The following AKAP13 variants were observed in gnomAD, a reference collection of about 807,000 sequenced individuals.
The protein encoded by AKAP13 is A-kinase anchoring protein 13, also known as A-kinase anchor protein 13.
In AKAP13, 80 loss-of-function variants were observed where a neutral mutation model predicts 264.5. The observed-to-expected ratio is 0.30, with a 90% CI of 0.25 to 0.36. The LOEUF is 0.36. Ranked by LOEUF, AKAP13 falls within the 10% of genes least tolerant of loss-of-function variation. The pLI is 1.00. For missense variants in AKAP13, 3,712 were observed against 3,435.2 expected, an observed-to-expected ratio of 1.08 and a Z score of -2.01; for synonymous variants, 1,380 against 1,250.2, an observed-to-expected ratio of 1.10 and a Z score of -2.19.
chr15:85,570,217 G>C (rs2078766976), intron 5 of AKAP13, among the ~76,000 whole-genome samples: 1 of 152,170 alleles, frequency 6.6e-6, no homozygotes, highest in Non-Finnish European at 1.5e-5. Flanking sequence ...TTGGGAGGTA[G>C]AGAAGGATGG....
At chr15:85,441,107 A>G (rs2073631350) in intron 1 of AKAP13, among the ~76,000 whole-genome samples, 1 of 152,170 alleles carries the variant, frequency 6.6e-6, no homozygotes. Flanking sequence ...GCTGGGTAAC[A>G]CTGTTTTCCA....
At chr15:85,637,649 A>G (rs938106937) in intron 8 of AKAP13, among the ~76,000 whole-genome samples, 31 of 151,486 alleles carry the variant, frequency 2.0e-4, no homozygotes, top group African/African-American at 7.3e-4. Flanking sequence ...TATTTTCTTT[A>G]TCCTGCTTGC....
In AKAP13 at chr15:85,740,233, G is replaced by A. The variant is rs114517568; in HGVS notation, c.7569G>A (p.Gln2523=). The A allele has an allele frequency of 5.0e-6, 8 of 1,614,152 alleles. No homozygotes were observed. In the East Asian group the frequency reaches 8.9e-5, roughly 18 times the overall value. ...MLKRNSEQVV[Q]SVVHLYELLS... is the part of the protein sequence containing the mutation. ...TGTTCCTTTGGCAGCAGGTTGTCCA[G>A]AGCGTTGTTCATCTCTACGAGCTCC... Residue 2523 remains glutamine, a synonymous_variant, in exon 34 of 37, where the codon CAG becomes CAA. Coordinates refer to ENST00000394518, the MANE Select transcript of AKAP13 (RefSeq NM_007200.5).
chr15:85,636,907 T>C (rs2082094782), intron 8 of AKAP13, among the ~76,000 whole-genome samples: 1 of 152,192 alleles, frequency 6.6e-6, no homozygotes, highest in Non-Finnish European at 1.5e-5. Flanking sequence ...GAGCCGCCGC[T>C]CCCGGCCCCA....
At chr15:85,410,969 C>T (rs886483596) in intron 1 of AKAP13, among the ~76,000 whole-genome samples, 2 of 148,578 alleles carry the variant, frequency 1.3e-5, no homozygotes, top group Admixed American at 6.6e-5. Context: ...GTTCTACACA[C>T]GTAGGTAATT....
intron 21 of AKAP13, among the ~76,000 whole-genome samples, chr15:85,717,740 A>C (rs142078633): frequency 2.6e-5 from 4 of 152,232 alleles, no homozygotes; most frequent in African/African-American, 9.7e-5. Flanking sequence ...GTCCCTTCCA[A>C]TTCTTAACTT....
chr15:85,424,076 G>C (rs1447382324), intron 1 of AKAP13, among the ~76,000 whole-genome samples: 2 of 152,136 alleles, frequency 1.3e-5, no homozygotes, highest in Non-Finnish European at 2.9e-5. Context: ...TAATTCTTAT[G>C]GGCTCTAGAA....
chr15:85,644,535 C>T (rs1430303047), intron 9 of AKAP13, among the ~76,000 whole-genome samples: 4 of 151,126 alleles, frequency 2.6e-5, no homozygotes, highest in Non-Finnish European at 5.9e-5. Flanking sequence ...GCCACCATGC[C>T]CGGCCATGAC....
At chr15:85,541,666 A>G (rs187692612) in intron 4 of AKAP13, among the ~76,000 whole-genome samples, 65 of 152,336 alleles carry the variant, frequency 4.3e-4, no homozygotes, top group African/African-American at 1.5e-3. Flanking sequence ...GCAAGCTATT[A>G]ATTCTATGAA....
At chr15:85,701,466 G>A (rs1252477189) in intron 17 of AKAP13, among the ~76,000 whole-genome samples, 6 of 152,002 alleles carry the variant, frequency 3.9e-5, no homozygotes, top group African/African-American at 9.7e-5. Context: ...TTGAGACGGC[G>A]TCTCACTCTG....
chr15:85,566,521 G>A (rs1488982422), intron 5 of AKAP13, among the ~76,000 whole-genome samples: 3 of 151,702 alleles, frequency 2.0e-5, no homozygotes, highest in Non-Finnish European at 1.5e-5. Flanking sequence ...CTTAATAGGT[G>A]TTCAGTAAAT....
At chr15:85,453,019 C>CCCAAGCCCAGTGCTGT (rs2074146435) in intron 1 of AKAP13, among the ~76,000 whole-genome samples, 1 of 152,138 alleles carries the variant, frequency 6.6e-6, no homozygotes, top group Non-Finnish European at 1.5e-5. Context: ...GTCAGTGCTG[C>CCCAAGCCCAGTGCTGT]GGGCCCAAGC....
chr15:85,708,206 C>A lies in AKAP13; in HGVS notation c.5532+120C>A. The A allele has an allele frequency of 1.2e-6, 1 of 860,558 alleles. No homozygotes were observed. Among genetic ancestry groups the A allele is most frequent in the Non-Finnish European group, 1.8e-6 (1 of 569,294 alleles). The allele number at this position is 860,558 out of a possible 1,614,324, so 53.3% of individuals were successfully genotyped here. On this transcript the variant is annotated intron_variant, in intron 18 of 36. Transcript: ENST00000394518. This position sits in a 1 kb window ranked among gnomAD's most constrained non-coding sequence, Gnocchi z 4.3. ...GTTTATTTTAATCATTTGGTACCAA[C>A]TTTGAGAACAAATTATAACTAAAAA...
intron 1 of AKAP13, among the ~76,000 whole-genome samples, chr15:85,401,751 T>C (rs1407326483): frequency 6.6e-6 from 1 of 152,262 alleles, no homozygotes; most frequent in African/African-American, 2.4e-5. Context: ...CTTAGGGATC[T>C]GGGATAAACA....
At chr15:85,392,251 A>ATTTTTTTTTT (rs57208601) in intron 1 of AKAP13, among the ~76,000 whole-genome samples, 2 of 106,350 alleles carry the variant, frequency 1.9e-5, no homozygotes, top group Non-Finnish European at 3.8e-5. Flanking sequence ...GCCCTTAATA[A>ATTTTTTTTTT]TTTTTTTTTT....
chr15:85,506,270 C>T lies in AKAP13; in HGVS notation c.34-15158C>T, dbSNP rs187481136. Among the ~76,000 whole-genome samples, 1,009 of 152,114 alleles carry T rather than the reference C, an allele frequency of 6.6e-3. 12 individuals are homozygous for T. The highest frequency in any genetic ancestry group is 0.023 in the African/African-American group (952 of 41,478). The stretch of plus-strand genomic sequence containing the variant: ...CTGCACTCCAGCCTGGGCAACAGAG[C>T]GGGACTCCATCTCAAAAACAACAAA... On this transcript the variant is annotated intron_variant, in intron 2 of 36. Coordinates refer to ENST00000394518, the MANE Select transcript of AKAP13 (RefSeq NM_007200.5).
chr15:85,386,592 C>T (rs1555423818), intron 1 of AKAP13, among the ~76,000 whole-genome samples: 2 of 152,062 alleles, frequency 1.3e-5, no homozygotes, highest in Non-Finnish European at 2.9e-5. Context: ...CCCGGCTCGC[C>T]TAGAAGTTTT....
At chr15:85,422,988 A>G (rs2072592794) in intron 1 of AKAP13, among the ~76,000 whole-genome samples, 1 of 152,246 alleles carries the variant, frequency 6.6e-6, no homozygotes, top group Admixed American at 6.5e-5. Flanking sequence ...TTTTGTTTAT[A>G]CTATGCTGTA....
intron 14 of AKAP13, among the ~76,000 whole-genome samples, chr15:85,673,666 CTTTTTTTTTTT>C (rs386383664): frequency 1.3e-5 from 1 of 77,540 alleles, no homozygotes; most frequent in Non-Finnish European, 2.2e-5. Context: ...TTCTTTCTTT[CTTTTTTTTTTT>C]TTTTTTTTTT....
Sources: gnomAD v4.1 joint callset for allele counts (sites outside exome capture counted in the v4.1 genomes callset) on GRCh38, gnomAD v4.1.1 for gene constraint, Gnocchi (gnomAD v3.1) non-coding constraint, MANE v1.5 for transcripts, NCBI Gene and HGNC (gene_info 2026-07-23, HGNC 2026-07-21) for gene names.